ADGRL3: variants seen among roughly 807,000 people sequenced by gnomAD.
The protein encoded by ADGRL3 is calcium-independent alpha-latrotoxin receptor 3.
ADGRL3 carries 62 observed loss-of-function variants against 153.5 expected under a neutral mutation model. The ratio of observed to expected loss-of-function variants is 0.40; its 90% CI spans 0.33 to 0.50. ADGRL3 has a LOEUF of 0.50. ADGRL3 is among the 20% of genes least tolerant of loss of function. ADGRL3 has a pLI of 0.47. For synonymous variants in ADGRL3, 710 were observed against 672.5 expected, an observed-to-expected ratio of 1.06 and a Z score of -0.86; for missense variants, 1,641 against 1,859.4, an observed-to-expected ratio of 0.88 and a Z score of 2.16.
intron 9 of ADGRL3, among the ~76,000 whole-genome samples, chr4:61,874,746 C>CT (rs1341225568): frequency 7.4e-6 from 1 of 136,004 alleles, no homozygotes; most frequent in East Asian, 2.2e-4. Context: ...ACCATCACCA[C>CT]TTTTTCATTT....
At chr4:61,827,755 T>C (rs1230875110) in intron 9 of ADGRL3, among the ~76,000 whole-genome samples, 3 of 152,188 alleles carry the variant, frequency 2.0e-5, no homozygotes, top group Non-Finnish European at 2.9e-5. Flanking sequence ...TGATTTCTAA[T>C]TTAGATAATT....
intron 17 of ADGRL3, among the ~76,000 whole-genome samples, chr4:61,968,379 G>A (rs1365429954): frequency 1.3e-5 from 2 of 151,850 alleles, no homozygotes; most frequent in Non-Finnish European, 2.9e-5. Flanking sequence ...ATCTTCTTTA[G>A]AGAACATTGA....
chr4:61,946,275 G>A (rs1253289611), intron 15 of ADGRL3, among the ~76,000 whole-genome samples: 12 of 152,080 alleles, frequency 7.9e-5, no homozygotes, highest in African/African-American at 2.9e-4. Flanking sequence ...GTATGAAATT[G>A]AAACTCAGTG....
intron 8 of ADGRL3, among the ~76,000 whole-genome samples, chr4:61,736,225 G>T (rs2096510263): frequency 6.6e-6 from 1 of 151,968 alleles, no homozygotes; most frequent in Non-Finnish European, 1.5e-5. Flanking sequence ...GTAAGAGAAT[G>T]AATCATTGTA....
intron 4 of ADGRL3, among the ~76,000 whole-genome samples, chr4:61,555,221 A>T (rs573543321): frequency 1.2e-4 from 18 of 152,304 alleles, no homozygotes; most frequent in African/African-American, 4.3e-4. Flanking sequence ...CCTTATGCCA[A>T]AGTGGAATAT....
intron 1 of ADGRL3, among the ~76,000 whole-genome samples, chr4:61,330,701 G>T (rs974267644): frequency 2.6e-5 from 4 of 152,098 alleles, no homozygotes; most frequent in African/African-American, 9.7e-5. Flanking sequence ...TGTAAAGAGC[G>T]AAAGAACAAA....
intron 9 of ADGRL3, among the ~76,000 whole-genome samples, chr4:61,883,492 C>G (rs950343140): frequency 6.6e-6 from 1 of 152,094 alleles, no homozygotes; most frequent in Non-Finnish European, 1.5e-5. Context: ...ATGCATATTT[C>G]CATTATTCTC....
intron 1 of ADGRL3, among the ~76,000 whole-genome samples, chr4:61,207,960 A>C (rs958709669): frequency 1.3e-5 from 2 of 152,184 alleles, no homozygotes; most frequent in African/African-American, 4.8e-5. Flanking sequence ...CCAACCTGTA[A>C]AAAGATAGGC....
intron 6 of ADGRL3, among the ~76,000 whole-genome samples, chr4:61,711,933 A>G (rs2096000413): frequency 6.6e-6 from 1 of 152,122 alleles, no homozygotes; most frequent in South Asian, 2.1e-4. Flanking sequence ...AACAGAATAG[A>G]TGCCATTTTC....
chr4:61,496,448 G>T (rs1218518847), intron 2 of ADGRL3, among the ~76,000 whole-genome samples: 1 of 151,956 alleles, frequency 6.6e-6, no homozygotes, highest in African/African-American at 2.4e-5. Flanking sequence ...TGGATCACCT[G>T]AGGTCGGGAG....
intron 1 of ADGRL3, among the ~76,000 whole-genome samples, chr4:61,235,300 G>A (rs796834832): frequency 1.2e-4 from 19 of 152,202 alleles, no homozygotes; most frequent in African/African-American, 3.9e-4. Context: ...TGATAATTAA[G>A]AAAGGGTTGA....
At chr4:61,980,196 C>G (rs745804257) in intron 18 of ADGRL3, among the ~76,000 whole-genome samples, 6 of 151,616 alleles carry the variant, frequency 4.0e-5, no homozygotes, top group Non-Finnish European at 7.4e-5. Context: ...AGATTTCACT[C>G]TAGGGATTGT....
chr4:61,588,083 A>G (rs1391948130), intron 5 of ADGRL3, among the ~76,000 whole-genome samples: 1 of 151,776 alleles, frequency 6.6e-6, no homozygotes, highest in Non-Finnish European at 1.5e-5. Context: ...AATGCATATT[A>G]TATAAGGTTT....
intron 9 of ADGRL3, among the ~76,000 whole-genome samples, chr4:61,824,847 G>A (rs2097786851): frequency 6.6e-6 from 1 of 152,166 alleles, no homozygotes; most frequent in African/African-American, 2.4e-5. Flanking sequence ...GGTAATCCTT[G>A]CATTTTAAAT....
intron 1 of ADGRL3, among the ~76,000 whole-genome samples, chr4:61,313,669 A>G (rs983566198): frequency 1.7e-4 from 26 of 152,248 alleles, no homozygotes; most frequent in African/African-American, 6.0e-4. Context: ...TCACAAGAGC[A>G]TTACCAAACT....
intron 25 of ADGRL3, among the ~76,000 whole-genome samples, chr4:62,047,506 G>T (rs1283178522): frequency 1.3e-5 from 2 of 151,862 alleles, no homozygotes; most frequent in Non-Finnish European, 2.9e-5. Flanking sequence ...GAATCAGCTT[G>T]TTGTATCATA....
chr4:61,721,222 G>A (rs965478086), intron 6 of ADGRL3, among the ~76,000 whole-genome samples: 1 of 152,096 alleles, frequency 6.6e-6, no homozygotes, highest in African/African-American at 2.4e-5. Context: ...CGATCACAAG[G>A]TGAAGTCCCA....
chr4:61,305,181 T>A (rs1250053883), intron 1 of ADGRL3, among the ~76,000 whole-genome samples: 1 of 152,146 alleles, frequency 6.6e-6, no homozygotes, highest in African/African-American at 2.4e-5. Context: ...TGACTTTTTT[T>A]TTTTTAACTA....
intron 25 of ADGRL3, among the ~76,000 whole-genome samples, chr4:62,055,591 A>G (rs1426304337): frequency 6.6e-6 from 1 of 151,860 alleles, no homozygotes; most frequent in Non-Finnish European, 1.5e-5. Flanking sequence ...TCAAATTAAA[A>G]CATTAAAATC....
Sources: allele counts gnomAD v4.1 joint callset (sites outside exome capture counted in the v4.1 genomes callset), GRCh38; gene constraint gnomAD v4.1.1; transcripts MANE v1.5; gene names NCBI Gene and HGNC (gene_info 2026-07-23, HGNC 2026-07-21).